Variants in IMMP2L observed in about 807,000 individuals in gnomAD.
IMMP2L encodes the protein inner mitochondrial membrane peptidase subunit 2.
A neutral mutation model predicts 19.3 loss-of-function variants in IMMP2L; 18 were observed. That is an observed-to-expected ratio of 0.93 (90% CI 0.64 to 1.38). The LOEUF (loss-of-function observed/expected upper bound fraction) is 1.38, where lower values mean the gene tolerates loss of function less well. IMMP2L is among the 40% of genes most tolerant of loss of function. The pLI is 0.00. For missense variants in IMMP2L, 233 were observed against 218.2 expected, an observed-to-expected ratio of 1.07 and a Z score of -0.43; for synonymous variants, 76 against 73.0, an observed-to-expected ratio of 1.04 and a Z score of -0.21.
At chr7:110,698,094 T>A (rs946324607) in intron 5 of IMMP2L, among the ~76,000 whole-genome samples, 18 of 152,182 alleles carry the variant, frequency 1.2e-4, no homozygotes, top group Admixed American at 2.0e-4. Flanking sequence ...ATCATTAAAA[T>A]TTCATGGGGA....
At chr7:111,436,569 AT>A (rs199741336) in intron 3 of IMMP2L, among the ~76,000 whole-genome samples, 2 of 151,832 alleles carry the variant, frequency 1.3e-5, no homozygotes, top group African/African-American at 4.9e-5. Flanking sequence ...CTTTTTAAAC[AT>A]TTTTTCTCAT....
chr7:111,193,696 G>C (rs966008327), intron 3 of IMMP2L, among the ~76,000 whole-genome samples: 6 of 152,022 alleles, frequency 3.9e-5, no homozygotes, highest in African/African-American at 1.5e-4. Flanking sequence ...ATTTAAGTGG[G>C]AAAAACTAAA....
chr7:111,229,014 C>T (rs1586932325), intron 3 of IMMP2L, among the ~76,000 whole-genome samples: 1 of 147,158 alleles, frequency 6.8e-6, no homozygotes, highest in East Asian at 2.0e-4. Flanking sequence ...TGTATCAGCC[C>T]GAAACCTCAG....
intron 5 of IMMP2L, among the ~76,000 whole-genome samples, chr7:110,868,333 G>A (rs1342102273): frequency 6.6e-6 from 1 of 152,042 alleles, no homozygotes; most frequent in Non-Finnish European, 1.5e-5. Context: ...TATAGATTCA[G>A]TAATTACAGG....
chr7:110,824,581 T>C (rs1803300655), intron 5 of IMMP2L, among the ~76,000 whole-genome samples: 2 of 152,134 alleles, frequency 1.3e-5, no homozygotes, highest in African/African-American at 2.4e-5. Flanking sequence ...TTGCCCAGGC[T>C]GGGCTCAAAC....
intron 2 of IMMP2L, among the ~76,000 whole-genome samples, chr7:111,504,285 A>C (rs1844637616): frequency 6.6e-6 from 1 of 152,188 alleles, no homozygotes; most frequent in Non-Finnish European, 1.5e-5. Flanking sequence ...GACCTCTTCA[A>C]GGAGAACTAC....
chr7:110,849,684 A>G (rs987110940), intron 5 of IMMP2L, among the ~76,000 whole-genome samples: 1 of 152,128 alleles, frequency 6.6e-6, no homozygotes, highest in Non-Finnish European at 1.5e-5. Flanking sequence ...AATAGATGCT[A>G]CCTTACACTG....
chr7:110,995,493 C>T (rs1419204593), intron 3 of IMMP2L, among the ~76,000 whole-genome samples: 2 of 152,062 alleles, frequency 1.3e-5, no homozygotes, highest in African/African-American at 4.8e-5. Context: ...TCTGTTTCTT[C>T]CAGGAGATAA....
chr7:110,676,573 G>A (rs1792314713), intron 5 of IMMP2L, among the ~76,000 whole-genome samples: 1 of 152,184 alleles, frequency 6.6e-6, no homozygotes, highest in South Asian at 2.1e-4. Flanking sequence ...GAATTAAGGA[G>A]GAAAGCTTGT....
intron 3 of IMMP2L, among the ~76,000 whole-genome samples, chr7:111,354,947 T>A (rs953081099): frequency 1.3e-5 from 2 of 151,762 alleles, no homozygotes; most frequent in Non-Finnish European, 2.9e-5. Flanking sequence ...CTAATCTCAA[T>A]AGAATAAACA....
At chr7:111,262,356 G>C (rs1010440085) in intron 3 of IMMP2L, among the ~76,000 whole-genome samples, 1 of 152,068 alleles carries the variant, frequency 6.6e-6, no homozygotes, top group African/African-American at 2.4e-5. Context: ...TGCTAGTAAA[G>C]GCCTGAATGA....
intron 3 of IMMP2L, among the ~76,000 whole-genome samples, chr7:111,117,559 T>C (rs1586387179): frequency 6.6e-6 from 1 of 152,096 alleles, no homozygotes; most frequent in African/African-American, 2.4e-5. Flanking sequence ...TTCAAATAAT[T>C]TGTTTTGAAA....
At chr7:111,255,103 C>G (rs1048051881) in intron 3 of IMMP2L, among the ~76,000 whole-genome samples, 3 of 151,976 alleles carry the variant, frequency 2.0e-5, no homozygotes, top group Non-Finnish European at 2.9e-5. Flanking sequence ...ACCTCCACCC[C>G]AATCCCACTA....
intron 5 of IMMP2L, among the ~76,000 whole-genome samples, chr7:110,732,109 T>C (rs117772018): frequency 0.012 from 1,899 of 152,246 alleles, 20 homozygotes; most frequent in Admixed American, 0.03. Context: ...GGAGAACATG[T>C]ATGACGGTGA....
intron 3 of IMMP2L, among the ~76,000 whole-genome samples, chr7:111,469,168 T>C (rs1840969939): frequency 6.6e-6 from 1 of 152,136 alleles, no homozygotes; most frequent in Non-Finnish European, 1.5e-5. Flanking sequence ...CCTTGTAGTA[T>C]AGTTTGAAGT....
chr7:111,336,838 C>CTT (rs78425646), intron 3 of IMMP2L, among the ~76,000 whole-genome samples: 24 of 140,278 alleles, frequency 1.7e-4, no homozygotes, highest in Non-Finnish European at 7.8e-5. Flanking sequence ...CAGAAGTAGA[C>CTT]TTTTTTTTTT....
At chr7:110,941,242 T>C (rs1452769686) in intron 4 of IMMP2L, among the ~76,000 whole-genome samples, 2 of 152,210 alleles carry the variant, frequency 1.3e-5, no homozygotes, top group Non-Finnish European at 2.9e-5. Context: ...GGCAGTATTA[T>C]GGCTATTCAG....
chr7:110,721,284 G>C (rs1584609293), intron 5 of IMMP2L, among the ~76,000 whole-genome samples: 1 of 151,938 alleles, frequency 6.6e-6, no homozygotes. Context: ...GTTGTTGCAA[G>C]GACTAAAATG....
At chr7:111,218,402 C>T (rs771652799) in intron 3 of IMMP2L, among the ~76,000 whole-genome samples, 1 of 151,846 alleles carries the variant, frequency 6.6e-6, no homozygotes, top group African/African-American at 2.4e-5. Flanking sequence ...GTTGTATCGC[C>T]TACATTTAAT....
Sources: allele counts gnomAD v4.1 joint callset (sites outside exome capture counted in the v4.1 genomes callset), GRCh38; gene constraint gnomAD v4.1.1; transcripts MANE v1.5; gene names NCBI Gene and HGNC (gene_info 2026-07-23, HGNC 2026-07-21).